MAPK8: variants seen among roughly 807,000 people sequenced by gnomAD.
MAPK8 encodes the protein mitogen-activated protein kinase 8.
Under a neutral mutation model 52.9 loss-of-function variants are expected in MAPK8, and 13 were observed. That is an observed-to-expected ratio of 0.25 (90% confidence interval 0.16 to 0.39). The LOEUF is 0.39. MAPK8 is among the 10% of genes least tolerant of loss of function. The probability of loss-of-function intolerance (pLI) is 1.00; values close to 1 mark genes in which losing one functional copy is unlikely to be tolerated. For missense variants in MAPK8, 300 were observed against 519.2 expected (o/e 0.58, Z 4.10); for synonymous variants, 191 against 169.8 (o/e 1.12, Z -0.97).
At position 48,373,571 on chromosome 10, in the gene MAPK8, C is replaced by CAAG. The variant is rs1158739057; in HGVS notation, c.-49-28039_-49-28038insGAA. On this transcript the variant is annotated intron_variant, in intron 1 of 11. Transcript: ENST00000374189. Reference sequence around the variant, plus strand: ...GAAGATTTACCAAGTAAATTGAAAGCAAAAAAAAAAAAAAAAAAAAAAAAA... The same window carrying CAAG: ...GAAGATTTACCAAGTAAATTGAAAGCAAGAAAAAAAAAAAAAAAAAAAAAAAAA... 4.7e-4 allele frequency among the ~76,000 whole-genome samples: 8 copies of CAAG among 16,844 alleles called. 1 individual carries two copies. The highest frequency in any genetic ancestry group is 1.3e-3 in the African/African-American group (8 of 6,370). The allele number at this position is 16,844 out of a possible 152,430, so 11.1% of individuals were successfully genotyped here. A position where few individuals can be genotyped will look rare whatever the true frequency, so the allele number is the denominator to read the frequency against.
At chr10:48,350,021 A>G (rs1464282075) in intron 1 of MAPK8, among the ~76,000 whole-genome samples, 2 of 152,234 alleles carry the variant, frequency 1.3e-5, no homozygotes, top group African/African-American at 4.8e-5. Context: ...ATCTAGAAGA[A>G]ATGGGGAAAT....
At chr10:48,387,680 T>C (rs1388476628) in intron 1 of MAPK8, among the ~76,000 whole-genome samples, 1 of 152,196 alleles carries the variant, frequency 6.6e-6, no homozygotes, top group Non-Finnish European at 1.5e-5. Context: ...AGGAAGCTTA[T>C]GCCCTTGCAG....
intron 1 of MAPK8, among the ~76,000 whole-genome samples, chr10:48,364,281 TA>T: frequency 6.6e-6 from 1 of 152,254 alleles, no homozygotes; most frequent in East Asian, 1.9e-4. Flanking sequence ...TATTATTTTT[TA>T]TTTTTATTTT....
At chr10:48,383,094 CT>C (rs201000293) in intron 1 of MAPK8, among the ~76,000 whole-genome samples, 4 of 150,848 alleles carry the variant, frequency 2.7e-5, no homozygotes, top group Admixed American at 6.6e-5. Flanking sequence ...TGGCTTTTGA[CT>C]TTTTTTTTCT....
chr10:48,435,634 C>T lies in MAPK8; in HGVS notation c.*605C>T, dbSNP rs1292278423. On this transcript the variant is annotated 3_prime_UTR_variant, in exon 12 of 12. Transcript: ENST00000374189. ...TAATTTAGTTACAAGAATTGGTAGG[C>T]AATCCTACTTAATTTTGGCAAAAGC... 1 of 152,172 alleles carries T rather than the reference C, an allele frequency of 6.6e-6. No individual in the cohort carries two copies. The highest frequency in any genetic ancestry group is 2.4e-5 in the African/African-American group (1 of 41,438). 9.4% of individuals were successfully genotyped at this position (152,172 alleles called of 1,614,324 possible). A position where few individuals can be genotyped will look rare whatever the true frequency, so the allele number is the denominator to read the frequency against.
intron 10 of MAPK8, chr10:48,430,784 A>G (rs552790662): frequency 9.6e-6 from 2 of 208,372 alleles, no homozygotes; most frequent in South Asian, 1.7e-4. Flanking sequence ...CCCACAGTGC[A>G]CCAGGCTCTA....
intron 1 of MAPK8, among the ~76,000 whole-genome samples, chr10:48,341,871 T>A (rs952979357): frequency 6.6e-6 from 1 of 152,172 alleles, no homozygotes; most frequent in African/African-American, 2.4e-5. Flanking sequence ...AGGAGCTCAA[T>A]AGTAAGGAGA....
rs114324167 is a variant in MAPK8, at chr10:48,409,365, T to C, written c.253-514T>C. On this transcript the variant is annotated intron_variant, in intron 3 of 11. Coordinates refer to ENST00000374189, the MANE Select transcript of MAPK8 (RefSeq NM_001323329.2). ...TGGGTAGGAATGAAAATGAATTCAG[T>C]GTTACCTTATTTTGTGAGATGTCCA... Among the ~76,000 whole-genome samples, 437 of 152,286 alleles carry C rather than the reference T, an allele frequency of 2.9e-3. 6 individuals are homozygous for C. Among genetic ancestry groups the C allele is most frequent in the African/African-American group, 0.01 (420 of 41,568 alleles).
intron 1 of MAPK8, among the ~76,000 whole-genome samples, chr10:48,397,195 A>G (rs996562472): frequency 6.6e-6 from 1 of 151,574 alleles, no homozygotes; most frequent in Non-Finnish European, 1.5e-5. Context: ...GTTGCCCAGG[A>G]TAGCATGCAG....
At chr10:48,334,595 A>G (rs968418181) in intron 1 of MAPK8, among the ~76,000 whole-genome samples, 6 of 152,066 alleles carry the variant, frequency 3.9e-5, no homozygotes, top group East Asian at 3.9e-4. Context: ...AGGTTTGTCT[A>G]TGGCCTTTGC....
chr10:48,397,164 T>A (rs2041927818), intron 1 of MAPK8, among the ~76,000 whole-genome samples: 1 of 152,060 alleles, frequency 6.6e-6, no homozygotes, highest in Non-Finnish European at 1.5e-5. Flanking sequence ...CCTTTTTTTT[T>A]TTTTGAGACA....
At chr10:48,306,868 C>G (rs2132027173) in intron 1 of MAPK8, 47 bp downstream of exon 1, 1 of 151,990 alleles carries the variant, frequency 6.6e-6, no homozygotes, top group African/African-American at 2.4e-5. Context: ...GCGGCCCCGT[C>G]GTGTTTATGT....
intron 1 of MAPK8, among the ~76,000 whole-genome samples, chr10:48,368,013 G>C (rs1218397591): frequency 1.3e-5 from 2 of 152,178 alleles, no homozygotes; most frequent in Admixed American, 1.3e-4. Flanking sequence ...TGGATTTGAA[G>C]GGAGTGAAAT....
At chr10:48,434,640 C>T (rs1228992644) in intron 11 of MAPK8, among the ~76,000 whole-genome samples, 3 of 152,138 alleles carry the variant, frequency 2.0e-5, no homozygotes, top group Non-Finnish European at 4.4e-5. Context: ...TTGTCTTAAA[C>T]TGAAAAACAC....
chr10:48,435,053 G>GT lies in MAPK8; in HGVS notation c.*24_*25insT. The GT allele has an allele frequency of 2.4e-5, 26 of 1,095,448 alleles. No individual in the cohort carries two copies. Among genetic ancestry groups the GT allele is most frequent in the South Asian group, 3.0e-5 (2 of 67,734 alleles). 67.9% of individuals were successfully genotyped at this position (1,095,448 alleles called of 1,614,324 possible). ...GACTACTTGGGCCATCGGGGGGTGG[G>GT]AGGGATGGGGAGTCGGTTAGTCATT... On this transcript the variant is annotated 3_prime_UTR_variant, in exon 12 of 12. Transcript: ENST00000374189.
At chr10:48,401,992 A>G (rs193273483) in intron 2 of MAPK8, among the ~76,000 whole-genome samples, 220 of 152,344 alleles carry the variant, frequency 1.4e-3, no homozygotes, top group African/African-American at 5.1e-3. Flanking sequence ...AGTATCCCTT[A>G]TCTGAAATGC....
chr10:48,409,825 T>C, intron 3 of MAPK8, 54 bp from the exon 4 acceptor site: 2 of 1,236,866 alleles, frequency 1.6e-6, no homozygotes, highest in Non-Finnish European at 2.3e-6. Context: ...AGTTCCCAAA[T>C]TAAAATATTA....
intron 5 of MAPK8, among the ~76,000 whole-genome samples, chr10:48,419,719 G>A (rs774351427): frequency 2.0e-5 from 3 of 152,250 alleles, no homozygotes; most frequent in South Asian, 2.1e-4. Context: ...AAGATGGCTC[G>A]TTGTTGACTT....
intron 1 of MAPK8, among the ~76,000 whole-genome samples, chr10:48,394,842 A>G (rs1168179006): frequency 6.7e-6 from 1 of 149,792 alleles, no homozygotes; most frequent in African/African-American, 2.5e-5. Context: ...TGAATAAGTG[A>G]GTCTATTACA....
Sources: gnomAD v4.1 joint callset for allele counts (sites outside exome capture counted in the v4.1 genomes callset) on GRCh38, gnomAD v4.1.1 for gene constraint, MANE v1.5 for transcripts, NCBI Gene and HGNC (gene_info 2026-07-23, HGNC 2026-07-21) for gene names.